MALRD1: variants seen among roughly 807,000 people sequenced by gnomAD.
MALRD1 encodes the protein MAM and LDL receptor class A domain containing 1, also known as MAM and LDL-receptor class A domain-containing protein 1.
MALRD1 carries 247 observed loss-of-function variants against 242.1 expected under a neutral mutation model. That is an observed-to-expected ratio of 1.02 (90% CI 0.92 to 1.13). The LOEUF (loss-of-function observed/expected upper bound fraction) is 1.13. Ranked by LOEUF, MALRD1 falls within the 50% of genes most tolerant of loss-of-function variation. The pLI is 0.00. For missense variants in MALRD1, 2,989 were observed against 2,533.1 expected (o/e 1.18, Z -3.86); for synonymous variants, 995 against 866.6 (o/e 1.15, Z -2.60).
intron 21 of MALRD1, among the ~76,000 whole-genome samples, chr10:19,299,972 G>A (rs879558410): frequency 4.6e-5 from 7 of 151,860 alleles, no homozygotes; most frequent in African/African-American, 7.2e-5. Context: ...GGAAAACCCC[G>A]GAGGTTCTGC....
intron 22 of MALRD1, among the ~76,000 whole-genome samples, chr10:19,326,611 T>G (rs1310996056): frequency 6.6e-6 from 1 of 152,090 alleles, no homozygotes; most frequent in African/African-American, 2.4e-5. Context: ...ATGTTCCAAA[T>G]TAATTTGAAT....
chr10:19,238,546 T>TATAATGTATATTATATATAATATAC (rs1373884055), intron 18 of MALRD1, among the ~76,000 whole-genome samples: 4 of 80,372 alleles, frequency 5.0e-5, no homozygotes, highest in East Asian at 3.1e-4. Context: ...ATATATAATA[T>TATAATGTATATTATATATAATATAC]ATAATGTATA....
chr10:19,287,820 T>C (rs998927700), intron 21 of MALRD1, among the ~76,000 whole-genome samples: 32 of 152,160 alleles, frequency 2.1e-4, no homozygotes, highest in African/African-American at 7.7e-4. Context: ...CACATGACTG[T>C]GTATAGTTAT....
At chr10:19,316,190 T>C (rs1411714999) in intron 21 of MALRD1, among the ~76,000 whole-genome samples, 1 of 151,640 alleles carries the variant, frequency 6.6e-6, no homozygotes, top group East Asian at 1.9e-4. Flanking sequence ...AATATACATG[T>C]TCTATTAACA....
chr10:19,601,481 A>T (rs909056912), intron 34 of MALRD1, among the ~76,000 whole-genome samples: 1 of 152,014 alleles, frequency 6.6e-6, no homozygotes, highest in African/African-American at 2.4e-5. Context: ...GAAAATTTAT[A>T]AATATTAAAT....
chr10:19,441,255 G>A (rs2130987947), intron 28 of MALRD1, among the ~76,000 whole-genome samples: 1 of 152,142 alleles, frequency 6.6e-6, no homozygotes, highest in East Asian at 1.9e-4. Context: ...TTGTAAGATG[G>A]GTAGATTGTA....
chr10:19,575,483 T>TCACA (rs66882231), intron 33 of MALRD1, among the ~76,000 whole-genome samples: 2,734 of 148,520 alleles, frequency 0.018, 26 homozygotes, highest in East Asian at 0.033. Flanking sequence ...AGGCCATGGT[T>TCACA]CACACACACA....
intron 32 of MALRD1, among the ~76,000 whole-genome samples, chr10:19,534,616 C>A (rs1834571086): frequency 6.6e-6 from 1 of 151,862 alleles, no homozygotes; most frequent in South Asian, 2.1e-4. Flanking sequence ...AGTCCTTTTT[C>A]CCCCTTCTCT....
intron 24 of MALRD1, among the ~76,000 whole-genome samples, chr10:19,334,924 A>C (rs1843534870): frequency 6.6e-6 from 1 of 152,090 alleles, no homozygotes; most frequent in Non-Finnish European, 1.5e-5. Flanking sequence ...TCAGAATTCA[A>C]GGTATCATTT....
intron 32 of MALRD1, among the ~76,000 whole-genome samples, chr10:19,539,786 A>C (rs1834855363): frequency 1.3e-5 from 2 of 149,680 alleles, no homozygotes; most frequent in Admixed American, 6.6e-5. Context: ...TCCTGTGCTC[A>C]AGTTATCCTC....
At chr10:19,611,825 T>C (rs1297963672) in intron 35 of MALRD1, among the ~76,000 whole-genome samples, 2 of 152,046 alleles carry the variant, frequency 1.3e-5, no homozygotes, top group African/African-American at 4.8e-5. Flanking sequence ...TAGAAACTTA[T>C]AAAATCTTAT....
At chr10:19,098,542 A>G (rs1355428131) in intron 4 of MALRD1, among the ~76,000 whole-genome samples, 1 of 152,176 alleles carries the variant, frequency 6.6e-6, no homozygotes, top group Admixed American at 6.5e-5. Context: ...ATAACATATG[A>G]TGAGGAAATA....
At chr10:19,502,230 C>T (rs186196768) in intron 31 of MALRD1, among the ~76,000 whole-genome samples, 1 of 151,932 alleles carries the variant, frequency 6.6e-6, no homozygotes, top group Non-Finnish European at 1.5e-5. Context: ...ATCAATTTTA[C>T]ATTACTAAAT....
At chr10:19,359,773 AT>A (rs543417991) in intron 26 of MALRD1, among the ~76,000 whole-genome samples, 502 of 25,106 alleles carry the variant, frequency 0.02, 3 homozygotes, top group African/African-American at 0.083. Flanking sequence ...AAAAAAAATA[AT>A]TAAAGAACTC....
intron 2 of MALRD1, among the ~76,000 whole-genome samples, chr10:19,070,033 A>G (rs1222325589): frequency 6.6e-6 from 1 of 151,984 alleles, no homozygotes; most frequent in South Asian, 2.1e-4. Flanking sequence ...AAATCTCCGC[A>G]TATATTTTGA....
intron 35 of MALRD1, among the ~76,000 whole-genome samples, chr10:19,614,165 A>G (rs1839029574): frequency 6.6e-6 from 1 of 152,002 alleles, no homozygotes; most frequent in Non-Finnish European, 1.5e-5. Flanking sequence ...TGAGATACTT[A>G]TTGTTTGTTA....
intron 12 of MALRD1, among the ~76,000 whole-genome samples, chr10:19,157,242 A>AATATGTGAT (rs1834191390): frequency 6.6e-6 from 1 of 151,244 alleles, no homozygotes; most frequent in African/African-American, 2.4e-5. Flanking sequence ...AGTTTGTGGC[A>AATATGTGAT]ATATGTGATA....
chr10:19,564,834 C>T (rs754575372), intron 32 of MALRD1, among the ~76,000 whole-genome samples: 1 of 151,960 alleles, frequency 6.6e-6, no homozygotes, highest in Non-Finnish European at 1.5e-5. Flanking sequence ...CAAAGACACC[C>T]TCAGAATACA....
intron 28 of MALRD1, among the ~76,000 whole-genome samples, chr10:19,430,514 G>A (rs541355751): frequency 6.6e-5 from 10 of 152,080 alleles, no homozygotes; most frequent in African/African-American, 1.7e-4. Context: ...ATTTCATACA[G>A]GTCCTTCATT....
Sources: allele counts gnomAD v4.1 joint callset (sites outside exome capture counted in the v4.1 genomes callset), GRCh38; gene constraint gnomAD v4.1.1; transcripts MANE v1.5; gene names NCBI Gene and HGNC (gene_info 2026-07-23, HGNC 2026-07-21).